The following COL25A1 variants were observed in gnomAD, a reference collection of about 807,000 sequenced individuals.
COL25A1 encodes the protein collagen alpha-1(XXV) chain.
A neutral mutation model predicts 128.4 loss-of-function variants in COL25A1; 103 were observed. The observed-to-expected ratio is 0.80, with a 90% CI of 0.68 to 0.94. COL25A1 has a LOEUF of 0.94. COL25A1 is among the 40% of genes least tolerant of loss of function. The pLI is 0.00. For missense variants in COL25A1, 745 were observed against 840.0 expected (o/e 0.89, Z 1.40); for synonymous variants, 279 against 277.2 (o/e 1.01, Z -0.06).
At chr4:109,154,735 C>A (rs949245269) in intron 3 of COL25A1, among the ~76,000 whole-genome samples, 1 of 152,194 alleles carries the variant, frequency 6.6e-6, no homozygotes, top group South Asian at 2.1e-4. Context: ...AACGAAAAAA[C>A]ATCTTCCCCA....
intron 3 of COL25A1, among the ~76,000 whole-genome samples, chr4:109,207,559 A>G (rs1375188094): frequency 6.6e-6 from 1 of 152,200 alleles, no homozygotes; most frequent in Non-Finnish European, 1.5e-5. Flanking sequence ...CTAATTTTCT[A>G]GTGCATGGTT....
intron 21 of COL25A1, among the ~76,000 whole-genome samples, chr4:108,862,947 CAAAT>C (rs996786036): frequency 3.9e-5 from 6 of 152,180 alleles, no homozygotes; most frequent in Non-Finnish European, 5.9e-5. Context: ...GTCAAACAGA[CAAAT>C]AAGTCCTTAG....
intron 19 of COL25A1, among the ~76,000 whole-genome samples, chr4:108,883,867 TAAAA>T (rs1241776672): frequency 6.6e-6 from 1 of 152,150 alleles, no homozygotes; most frequent in Admixed American, 6.5e-5. Flanking sequence ...AGAATAAAAC[TAAAA>T]TATGAAGGTA....
chr4:109,171,211 TG>T (rs1462433319), intron 3 of COL25A1, among the ~76,000 whole-genome samples: 3 of 152,172 alleles, frequency 2.0e-5, no homozygotes, highest in African/African-American at 7.2e-5. Context: ...CTGAGAGTGC[TG>T]GGACTCTTAT....
intron 3 of COL25A1, among the ~76,000 whole-genome samples, chr4:109,099,550 A>G (rs899296119): frequency 6.6e-6 from 1 of 152,030 alleles, no homozygotes; most frequent in African/African-American, 2.4e-5. Context: ...TGGAACTTGT[A>G]GAACCAATAA....
rs980815477 is a variant in COL25A1 at position 109,097,472 on chromosome 4, G to C, written c.368-47293C>G. Among the ~76,000 whole-genome samples the C allele has an allele frequency of 3.3e-5, 5 of 150,122 alleles. No individual in the cohort carries two copies. The East Asian group carries it at 1.0e-3, about 30-fold the overall frequency. On this transcript the variant is annotated intron_variant, in intron 3 of 37. Transcript: ENST00000399132. The stretch of plus-strand genomic sequence containing the variant: ...AAAAAAAACCACAAAAATTAGCCAG[G>C]CTTGGTCACACGCACCTGTAGTCCC...
intron 24 of COL25A1, among the ~76,000 whole-genome samples, chr4:108,856,278 C>T (rs759371977): frequency 5.9e-5 from 9 of 151,998 alleles, no homozygotes; most frequent in Non-Finnish European, 1.2e-4. Context: ...GAAATTTAGC[C>T]ACCTTAAATA....
chr4:109,089,877 T>C (rs1764744241), intron 3 of COL25A1, among the ~76,000 whole-genome samples: 1 of 152,094 alleles, frequency 6.6e-6, no homozygotes, highest in South Asian at 2.1e-4. Context: ...AGTGCTGGGA[T>C]TACAGGTGTG....
At chr4:108,948,487 A>G (rs1167496575) in intron 8 of COL25A1, among the ~76,000 whole-genome samples, 3 of 152,138 alleles carry the variant, frequency 2.0e-5, no homozygotes, top group South Asian at 4.1e-4. Flanking sequence ...TTGATACTCT[A>G]AATTCCATTC....
At position 108,810,328 on chromosome 4, in the gene COL25A1, T is replaced by C. The variant is rs920437841; in HGVS notation, c.*3599A>G. 3 of 151,976 alleles carry C rather than the reference T, an allele frequency of 2.0e-5. No homozygotes were observed. Among genetic ancestry groups the C allele is most frequent in the African/African-American group, 7.2e-5 (3 of 41,442 alleles). The allele number at this position is 151,976 out of a possible 1,614,324, so 9.4% of individuals were successfully genotyped here. On this transcript the variant is annotated 3_prime_UTR_variant, in exon 38 of 38. Coordinates refer to ENST00000399132, the MANE Select transcript of COL25A1 (RefSeq NM_198721.4). Reference sequence around the variant, plus strand: ...TAGCACATATGTCTATATAGATAGATAGTTAGACAAAGGACATGTAGTATA... The same window carrying C: ...TAGCACATATGTCTATATAGATAGACAGTTAGACAAAGGACATGTAGTATA...
At chr4:109,076,649 C>T (rs1264824802) in intron 3 of COL25A1, among the ~76,000 whole-genome samples, 1 of 151,960 alleles carries the variant, frequency 6.6e-6, no homozygotes, top group African/African-American at 2.4e-5. Context: ...TTATTGTGCA[C>T]TTTATTATAT....
At chr4:109,267,052 T>C (rs1781844741) in intron 3 of COL25A1, among the ~76,000 whole-genome samples, 1 of 152,208 alleles carries the variant, frequency 6.6e-6, no homozygotes, top group African/African-American at 2.4e-5. Context: ...GTGCATTTTT[T>C]TAAGCAATAG....
chr4:109,079,416 A>G (rs1763647505), intron 3 of COL25A1, among the ~76,000 whole-genome samples: 1 of 152,224 alleles, frequency 6.6e-6, no homozygotes, highest in Admixed American at 6.5e-5. Flanking sequence ...ATTGAGTCAT[A>G]CATTCGTTTA....
intron 3 of COL25A1, among the ~76,000 whole-genome samples, chr4:109,260,505 T>C (rs552726785): frequency 6.6e-6 from 1 of 150,504 alleles, no homozygotes; most frequent in Non-Finnish European, 1.5e-5. Context: ...TTTTTGTTTG[T>C]TTTTTTTTGA....
chr4:109,179,537 T>A (rs567977811), intron 3 of COL25A1, among the ~76,000 whole-genome samples: 1 of 152,374 alleles, frequency 6.6e-6, no homozygotes, highest in South Asian at 2.1e-4. Flanking sequence ...AATTCCCATG[T>A]GAATATACAA....
At chr4:108,987,416 C>T (rs1174518769) in intron 6 of COL25A1, among the ~76,000 whole-genome samples, 1 of 151,500 alleles carries the variant, frequency 6.6e-6, no homozygotes, top group East Asian at 1.9e-4. Context: ...CGCTCTGTCG[C>T]CCAGGCTGGA....
chr4:108,852,190 C>A (rs1374962573), intron 26 of COL25A1, 46 bp downstream of exon 26: 1 of 1,428,838 alleles, frequency 7.0e-7, no homozygotes, highest in African/African-American at 1.4e-5. Flanking sequence ...ATACGGTATT[C>A]CCTGCACTGT....
chr4:108,928,282 CA>C (rs1418106478), intron 11 of COL25A1, among the ~76,000 whole-genome samples: 4 of 152,174 alleles, frequency 2.6e-5, no homozygotes, highest in Non-Finnish European at 5.9e-5. Context: ...TCATGATTCA[CA>C]GAAAAAGTTC....
intron 6 of COL25A1, among the ~76,000 whole-genome samples, 186 bp from the exon 7 acceptor site, chr4:108,974,745 T>C (rs1204068971): frequency 1.3e-5 from 2 of 152,236 alleles, no homozygotes; most frequent in Non-Finnish European, 2.9e-5. Flanking sequence ...CATATATGTT[T>C]GTGCATGTAT....
Sources: gnomAD v4.1 joint callset for allele counts (sites outside exome capture counted in the v4.1 genomes callset) on GRCh38, gnomAD v4.1.1 for gene constraint, MANE v1.5 for transcripts, NCBI Gene and HGNC (gene_info 2026-07-23, HGNC 2026-07-21) for gene names.